Variants in PCDHGB3 observed in about 807,000 individuals in gnomAD.
The protein encoded by PCDHGB3 is protocadherin gamma-B3.
Under a neutral mutation model 59.2 loss-of-function variants are expected in PCDHGB3, and 40 were observed. The observed-to-expected ratio is 0.68, with a 90% CI of 0.52 to 0.88. The LOEUF (loss-of-function observed/expected upper bound fraction) is 0.88. Among genes scored for constraint, PCDHGB3 ranks in the 40% least tolerant of loss-of-function variants. The pLI is 0.00. For missense variants in PCDHGB3, 1,309 were observed against 1,187.9 expected (o/e 1.10, Z -1.50); for synonymous variants, 581 against 503.6 (o/e 1.15, Z -2.06).
chr5:141,436,068 T>A (rs1343785335), intron 1 of PCDHGB3, among the ~76,000 whole-genome samples: 1 of 152,190 alleles, frequency 6.6e-6, no homozygotes, highest in Non-Finnish European at 1.5e-5. Flanking sequence ...ATTTAATAAG[T>A]ACAGTGTTCT....
intron 1 of PCDHGB3, chr5:141,375,260 G>A: frequency 6.2e-7 from 1 of 1,613,874 alleles, no homozygotes; most frequent in Non-Finnish European, 8.5e-7. Flanking sequence ...TCTCCCATTT[G>A]AATTGGAAAA....
chr5:141,432,797 T>C lies in PCDHGB3; in HGVS notation c.2415+59988T>C, dbSNP rs1591218426. On this transcript the variant is annotated intron_variant, in intron 1 of 3. Coordinates refer to ENST00000576222, the MANE Select transcript of PCDHGB3 (RefSeq NM_018924.5). The surrounding 1 kb of genome is among the most constrained non-coding windows in gnomAD (Gnocchi z 6.0). The stretch of plus-strand genomic sequence containing the variant: ...CCTGGCGGACCTCGGCAGCCTCGAG[T>C]CTCCAGCTAACTCTGAAACCTCAGA... 2.5e-6 allele frequency: 4 copies of C among 1,613,752 alleles called. No individual in the cohort carries two copies. The highest frequency in any genetic ancestry group is 2.7e-5 in the African/African-American group (2 of 74,816).
chr5:141,499,565 C>CTTATCTTGT (rs2099792732), intron 2 of PCDHGB3, among the ~76,000 whole-genome samples: 2 of 152,168 alleles, frequency 1.3e-5, no homozygotes, highest in Non-Finnish European at 2.9e-5. Flanking sequence ...CACTATCCAG[C>CTTATCTTGT]TTCAACTAAT....
At chr5:141,406,072 C>CT (rs530474569) in intron 1 of PCDHGB3, among the ~76,000 whole-genome samples, 26,413 of 141,282 alleles carry the variant, frequency 0.19, 2,878 homozygotes, top group African/African-American at 0.31. Context: ...ATTCTTACTC[C>CT]TTTTTTTTTT....
chr5:141,432,908 C>G lies in PCDHGB3; in HGVS notation c.2415+60099C>G, dbSNP rs757934634. 6.2e-7 allele frequency: 1 copy of G among 1,614,168 alleles called. No homozygotes were observed. Reference sequence around the variant, plus strand: ...CATCTTGCTGCTGGCGCTCAGGCTGCGGCGCTGGCACAAGTCACGCCTGCT... The same window carrying G: ...CATCTTGCTGCTGGCGCTCAGGCTGGGGCGCTGGCACAAGTCACGCCTGCT... On this transcript the variant is annotated intron_variant, in intron 1 of 3. Transcript: ENST00000576222. This position sits in a 1 kb window ranked among gnomAD's most constrained non-coding sequence, Gnocchi z 6.0.
At position 141,486,679 on chromosome 5, in the gene PCDHGB3, A is replaced by G. The variant is rs1416879364; in HGVS notation, c.2416-8128A>G. The G allele has an allele frequency of 6.2e-7, 1 of 1,614,092 alleles. No individual in the cohort carries two copies. The highest frequency in any genetic ancestry group is 1.7e-5 in the Admixed American group (1 of 60,026). On this transcript the variant is annotated intron_variant, in intron 1 of 3. Coordinates refer to ENST00000576222, the MANE Select transcript of PCDHGB3 (RefSeq NM_018924.5). The surrounding 1 kb of genome is among the most constrained non-coding windows in gnomAD (Gnocchi z 5.0). Reference sequence around the variant, plus strand: ...TCCTGGAGCCCAGGAATCGAGATGTATCAGCTTCCTCTTTCATCTCTCTGA... The same window carrying G: ...TCCTGGAGCCCAGGAATCGAGATGTGTCAGCTTCCTCTTTCATCTCTCTGA...
At chr5:141,422,348 A>G (rs1163115969) in intron 1 of PCDHGB3, 1 of 1,554,608 alleles carries the variant, frequency 6.4e-7, no homozygotes, top group Non-Finnish European at 8.7e-7. Context: ...AATGTGCAAG[A>G]TCAAGATTCT....
At position 141,399,350 on chromosome 5, in the gene PCDHGB3, G is replaced by A. The variant is rs746925566; in HGVS notation, c.2415+26541G>A. On this transcript the variant is annotated intron_variant, in intron 1 of 3. Transcript: ENST00000576222. ...TTGGTAACAGATGGAACCCTAGACC[G>A]AGAGCAAACCCCGGAGTACAATGTC... is the stretch of plus-strand genomic sequence containing the variant. The A allele has an allele frequency of 6.8e-6, 11 of 1,613,966 alleles. No individual in the cohort carries two copies. The South Asian group carries it at 1.1e-4, about 16-fold the overall frequency.
At chr5:141,399,445 G>GATA in intron 1 of PCDHGB3, 1 of 1,614,032 alleles carries the variant, frequency 6.2e-7, no homozygotes, top group Non-Finnish European at 8.5e-7. Flanking sequence ...ACATATCAGA[G>GATA]ACGTCAACGA....
Position 141,476,290 on chromosome 5 carries a change from C to G in PCDHGB3, c.2416-18517C>G, listed in dbSNP as rs768208156. The stretch of plus-strand genomic sequence containing the variant: ...TGGTCGCGAACCTTGGTTTGGATCT[C>G]GGTAGCCTCTCAGCCCGCAGGTTCC... On this transcript the variant is annotated intron_variant, in intron 1 of 3. Coordinates refer to ENST00000576222, the MANE Select transcript of PCDHGB3 (RefSeq NM_018924.5). The surrounding 1 kb of genome is among the most constrained non-coding windows in gnomAD (Gnocchi z 7.6). 1 of 1,614,050 alleles carries G rather than the reference C, an allele frequency of 6.2e-7. No homozygotes were observed. The highest frequency in any genetic ancestry group is 1.7e-5 in the Admixed American group (1 of 60,012).
intron 1 of PCDHGB3, among the ~76,000 whole-genome samples, chr5:141,435,227 G>T (rs1461159947): frequency 1.3e-5 from 2 of 152,030 alleles, no homozygotes; most frequent in African/African-American, 4.8e-5. Context: ...TTCTTTCAAA[G>T]TTCAGTAATT....
intron 3 of PCDHGB3, chr5:141,507,000 TGA>T (rs1235660361): frequency 1.3e-5 from 2 of 152,218 alleles, no homozygotes; most frequent in African/African-American, 4.8e-5. Flanking sequence ...ACTCGACAGA[TGA>T]GAGAACCGAG....
rs1554116817 is a variant in PCDHGB3 at position 141,423,755 on chromosome 5, G to GGC, written c.2415+50947_2415+50948insCG. 3 of 512,420 alleles carry GGC rather than the reference G, an allele frequency of 5.9e-6. No individual in the cohort carries two copies. The African/African-American group carries it at 8.1e-5, about 14-fold the overall frequency. 31.7% of individuals were successfully genotyped at this position (512,420 alleles called of 1,614,324 possible). A position where few individuals can be genotyped will look rare whatever the true frequency, so the allele number is the denominator to read the frequency against. On this transcript the variant is annotated intron_variant, in intron 1 of 3. Coordinates refer to ENST00000576222, the MANE Select transcript of PCDHGB3 (RefSeq NM_018924.5). ...AGCCTGTTATGAAAACTGTTTGGGGGGGGGGTGGGGCGGCATATATTTAGT... is the reference window on the plus strand; with the variant it reads ...AGCCTGTTATGAAAACTGTTTGGGGGGCGGGGGTGGGGCGGCATATATTTAGT...
chr5:141,371,408 A>G lies in PCDHGB3; in HGVS notation c.1014A>G (p.Ser338=), dbSNP rs1767731278. 6.2e-7 allele frequency: 1 copy of G among 1,614,038 alleles called. No individual in the cohort carries two copies. Among genetic ancestry groups the G allele is most frequent in the Admixed American group, 1.7e-5 (1 of 60,030 alleles). The change falls in exon 1 of 4, where the codon TCA becomes TCG. Residue 338 remains serine (S), a synonymous_variant. Transcript: ENST00000576222. ...ATTGTAAAGTACAGATAGATATTTC[A>G]GATGAAAATGACAATGCCCCGGAGA... ...TAYCKVQIDI[S]DENDNAPEIT...
intron 1 of PCDHGB3, chr5:141,388,994 T>C: frequency 6.2e-7 from 1 of 1,614,042 alleles, no homozygotes; most frequent in Non-Finnish European, 8.5e-7. Flanking sequence ...TCAAAGTCCG[T>C]GACAAGGATT....
At chr5:141,419,261 G>C (rs758952830) in intron 1 of PCDHGB3, 16 of 1,613,982 alleles carry the variant, frequency 9.9e-6, no homozygotes, top group Non-Finnish European at 1.3e-5. Context: ...CAACCAGCCG[G>C]GTGCCTCCAT....
intron 1 of PCDHGB3, among the ~76,000 whole-genome samples, chr5:141,397,777 C>T (rs1589309887): frequency 6.6e-6 from 1 of 152,170 alleles, no homozygotes; most frequent in Non-Finnish European, 1.5e-5. Flanking sequence ...AGTATATGGA[C>T]GTAAAAACTT....
intron 1 of PCDHGB3, chr5:141,419,816 C>A (rs910172118): frequency 7.4e-6 from 12 of 1,613,940 alleles, no homozygotes; most frequent in Non-Finnish European, 1.0e-5. Context: ...AGGACAGCCA[C>A]CCCTTTCAGC....
rs1289513674 is a variant in PCDHGB3 at position 141,432,063 on chromosome 5, A to T, written c.2415+59254A>T. On this transcript the variant is annotated intron_variant, in intron 1 of 3. Coordinates refer to ENST00000576222, the MANE Select transcript of PCDHGB3 (RefSeq NM_018924.5). The surrounding 1 kb of genome is among the most constrained non-coding windows in gnomAD (Gnocchi z 6.0). ...CGGGGAACCCCGCCCCTATCCACGG[A>T]AACTCATATCTCGCTGAACGTGGCA... The T allele has an allele frequency of 8.7e-6, 14 of 1,614,134 alleles. No individual in the cohort carries two copies. The highest frequency in any genetic ancestry group is 1.2e-5 in the Non-Finnish European group (14 of 1,180,028).
Sources: allele counts gnomAD v4.1 joint callset (sites outside exome capture counted in the v4.1 genomes callset), GRCh38; gene constraint gnomAD v4.1.1; non-coding constraint Gnocchi (gnomAD v3.1); transcripts MANE v1.5; gene names NCBI Gene and HGNC (gene_info 2026-07-23, HGNC 2026-07-21).